The following LDHC variants were observed in gnomAD, a reference collection of about 807,000 sequenced individuals.
The protein encoded by LDHC is lactate dehydrogenase C, also known as L-lactate dehydrogenase C chain.
LDHC carries 20 observed loss-of-function variants against 30.2 expected under a neutral mutation model. The ratio of observed to expected loss-of-function variants is 0.66; its 90% CI spans 0.47 to 0.96. LDHC has a LOEUF of 0.96. Ranked by LOEUF, LDHC falls within the 40% of genes least tolerant of loss-of-function variation. The pLI, the probability that LDHC is intolerant of heterozygous loss-of-function variation, is 0.00. For missense variants in LDHC, 362 were observed against 394.9 expected (o/e 0.92, Z 0.71); for synonymous variants, 139 against 132.7 (o/e 1.05, Z -0.32).
At chr11:18,418,103 G>A (rs1023973033) in intron 3 of LDHC, among the ~76,000 whole-genome samples, 1 of 151,650 alleles carries the variant, frequency 6.6e-6, no homozygotes, top group Non-Finnish European at 1.5e-5. Context: ...CAAGTCAGTT[G>A]ATACATTCTG....
At chr11:18,425,474 A>G (rs983652787) in intron 3 of LDHC, among the ~76,000 whole-genome samples, 2 of 151,916 alleles carry the variant, frequency 1.3e-5, no homozygotes, top group Non-Finnish European at 2.9e-5. Flanking sequence ...TCTGCCTCCC[A>G]GGTTCAAGTG....
intron 6 of LDHC, among the ~76,000 whole-genome samples, chr11:18,443,759 C>A (rs967810501): frequency 4.6e-5 from 7 of 152,188 alleles, no homozygotes; most frequent in Non-Finnish European, 4.4e-5. Context: ...TGTACTCGGG[C>A]AGTTCCTTTT....
intron 6 of LDHC, among the ~76,000 whole-genome samples, chr11:18,439,301 G>A (rs1368125788): frequency 6.6e-6 from 1 of 152,126 alleles, no homozygotes; most frequent in Non-Finnish European, 1.5e-5. Flanking sequence ...GGTGGCTCAC[G>A]CCTGTAATTC....
intron 5 of LDHC, 88 bp from the exon 6 acceptor site, chr11:18,438,440 G>T (rs1848396192): frequency 6.5e-6 from 5 of 770,526 alleles, no homozygotes; most frequent in South Asian, 6.1e-5. Flanking sequence ...ATATCAGGTG[G>T]CAACTTAACT....
In LDHC at chr11:18,429,878, C is replaced by T; in HGVS notation, c.386C>T (p.Pro129Leu). Residue 129 changes from proline to leucine, a missense_variant, in exon 4 of 8, where the codon CCT becomes CTT. By Grantham distance (98) the Pro-to-Leu change is moderately conservative. Transcript: ENST00000541669. ...ATTCCTGCCATAGTCCATTATAGTC[C>T]TGATTGTAAAATTCTTGTTGTTTCA... ...SIIPAIVHYS[P>L]DCKILVVSNP... is the part of the protein sequence containing the mutation. 6.2e-7 allele frequency: 1 copy of T among 1,609,996 alleles called. No individual in the cohort carries two copies. Among genetic ancestry groups the T allele is most frequent in the Non-Finnish European group, 8.5e-7 (1 of 1,176,946 alleles).
In LDHC at chr11:18,444,604, G is replaced by GTATATATATATA. The variant is rs60764598; in HGVS notation, c.711-1572_711-1561dup. Among the ~76,000 whole-genome samples, 250 of 89,262 alleles carry GTATATATATATA rather than the reference G, an allele frequency of 2.8e-3. 4 individuals are homozygous for GTATATATATATA. Among genetic ancestry groups the GTATATATATATA allele is most frequent in the Middle Eastern group, 6.3e-3 (1 of 158 alleles). 58.6% of individuals were successfully genotyped at this position (89,262 alleles called of 152,430 possible). On this transcript the variant is annotated intron_variant, in intron 6 of 7. Coordinates refer to ENST00000541669, the MANE Select transcript of LDHC (RefSeq NM_017448.5). ...AGGCCCAACCTGCTGTGTTCAGGTGGTATATATATATATATATATATATAT... is the reference window on the plus strand; with the variant it reads ...AGGCCCAACCTGCTGTGTTCAGGTGGTATATATATATATATATATATATATATATATATATAT...
In LDHC at chr11:18,436,481, G is replaced by GA. The variant is rs762530928; in HGVS notation, c.592+1568_592+1569insA. Among the ~76,000 whole-genome samples the GA allele has an allele frequency of 6.8e-4, 74 of 108,204 alleles. 1 individual carries two copies. The highest frequency in any genetic ancestry group is 2.0e-3 in the African/African-American group (56 of 28,156). 71.0% of individuals were successfully genotyped at this position (108,204 alleles called of 152,430 possible). ...TTACTCTCCTTTGGGATAATACAAAGTTTTTTTTTTTTTTTTTTTTTTGAG... is the reference window on the plus strand; with the variant it reads ...TTACTCTCCTTTGGGATAATACAAAGATTTTTTTTTTTTTTTTTTTTTTGAG... On this transcript the variant is annotated intron_variant, in intron 5 of 7. Coordinates refer to ENST00000541669, the MANE Select transcript of LDHC (RefSeq NM_017448.5).
Position 18,438,512 on chromosome 11 carries a change from G to A in LDHC, c.593-16G>A, listed in dbSNP as rs761358640. ...TATTGGGAAGAAGAGTTTATTTTGA[G>A]ATCTGTATTTTTTAGTGCCCTTATG... On this transcript the variant is annotated splice_polypyrimidine_tract_variant and intron_variant, in intron 5 of 7. Coordinates refer to ENST00000541669, the MANE Select transcript of LDHC (RefSeq NM_017448.5). The A allele has an allele frequency of 2.0e-6, 3 of 1,504,192 alleles. No homozygotes were observed. The South Asian group carries it at 3.4e-5, about 17-fold the overall frequency. The allele number at this position is 1,504,192 out of a possible 1,614,324, so 93.2% of individuals were successfully genotyped here. A position where few individuals can be genotyped will look rare whatever the true frequency, so the allele number is the denominator to read the frequency against.
chr11:18,419,310 C>G (rs531400869), intron 3 of LDHC, among the ~76,000 whole-genome samples: 6 of 152,270 alleles, frequency 3.9e-5, no homozygotes, highest in Admixed American at 6.5e-5. Context: ...GCTTGTCTGC[C>G]AACAGTAGTT....
chr11:18,430,739 T>C (rs1245929008), intron 4 of LDHC, among the ~76,000 whole-genome samples: 2 of 152,204 alleles, frequency 1.3e-5, no homozygotes, highest in Non-Finnish European at 2.9e-5. Flanking sequence ...TTTTGGGCTA[T>C]TATGAGTGAA....
At chr11:18,415,413 A>G in intron 3 of LDHC, 112 bp downstream of exon 3, 1 of 594,684 alleles carries the variant, frequency 1.7e-6, no homozygotes, top group Non-Finnish European at 2.9e-6. Context: ...CCATTGGGCC[A>G]TATAATTTAA....
At chr11:18,423,928 G>C (rs546616056) in intron 3 of LDHC, among the ~76,000 whole-genome samples, 1 of 152,196 alleles carries the variant, frequency 6.6e-6, no homozygotes, top group South Asian at 2.1e-4. Flanking sequence ...CTTATAAATA[G>C]GGGGAGAAAA....
intron 3 of LDHC, among the ~76,000 whole-genome samples, chr11:18,418,930 G>A (rs998641622): frequency 5.3e-5 from 8 of 152,176 alleles, no homozygotes; most frequent in African/African-American, 1.9e-4. Flanking sequence ...GAGAAAACCA[G>A]AGAGTTAAGC....
intron 2 of LDHC, among the ~76,000 whole-genome samples, chr11:18,414,826 CAAACA>C (rs112382681): frequency 6.6e-6 from 1 of 151,806 alleles, no homozygotes; most frequent in African/African-American, 2.4e-5. Flanking sequence ...GACTTCATCT[CAAACA>C]AAACAAAACA....
At chr11:18,416,185 T>C (rs953065625) in intron 3 of LDHC, among the ~76,000 whole-genome samples, 1 of 152,196 alleles carries the variant, frequency 6.6e-6, no homozygotes. Context: ...TTTTGTCTTA[T>C]ATATTTTCCC....
chr11:18,451,435 TTTGA>T lies in LDHC; in HGVS notation c.*311_*314del. 6.0e-6 allele frequency: 1 copy of T among 166,162 alleles called. No individual in the cohort carries two copies. Among genetic ancestry groups the T allele is most frequent in the African/African-American group, 2.4e-5 (1 of 42,132 alleles). 10.3% of individuals were successfully genotyped at this position (166,162 alleles called of 1,614,324 possible). ...ATGTATAATCACTATAATACAGAGCTTTGATTCTTTTCACAAACCAAGCCCTTTT... is the reference window on the plus strand; with the variant it reads ...ATGTATAATCACTATAATACAGAGCTTTCTTTTCACAAACCAAGCCCTTTT... On this transcript the variant is annotated 3_prime_UTR_variant, in exon 8 of 8. Coordinates refer to ENST00000541669, the MANE Select transcript of LDHC (RefSeq NM_017448.5).
chr11:18,445,661 G>A (rs965715712), intron 6 of LDHC, among the ~76,000 whole-genome samples: 1 of 152,128 alleles, frequency 6.6e-6, no homozygotes, highest in African/African-American at 2.4e-5. Flanking sequence ...TAAAAAAAGG[G>A]TAAATTAATT....
chr11:18,441,601 G>A (rs933621529), intron 6 of LDHC, among the ~76,000 whole-genome samples: 2 of 144,816 alleles, frequency 1.4e-5, no homozygotes, highest in East Asian at 2.5e-4. Context: ...CACCACACCC[G>A]GCCCTTTAGA....
At chr11:18,415,524 C>T (rs1156471716) in intron 3 of LDHC, among the ~76,000 whole-genome samples, 1 of 151,946 alleles carries the variant, frequency 6.6e-6, no homozygotes, top group African/African-American at 2.4e-5. Flanking sequence ...CTCCACCTCC[C>T]AGCTTCAAGT....
Sources: allele counts gnomAD v4.1 joint callset (sites outside exome capture counted in the v4.1 genomes callset), GRCh38; gene constraint gnomAD v4.1.1; transcripts MANE v1.5; gene names NCBI Gene and HGNC (gene_info 2026-07-23, HGNC 2026-07-21).